Variants in CWF19L2 observed in about 807,000 individuals in gnomAD.
CWF19L2 encodes the protein CWF19-like protein 2.
Under a neutral mutation model 111.7 loss-of-function variants are expected in CWF19L2, and 98 were observed. The ratio of observed to expected loss-of-function variants is 0.88; its 90% CI spans 0.75 to 1.04. CWF19L2 has a LOEUF of 1.04. Among genes scored for constraint, CWF19L2 ranks in the 50% least tolerant of loss-of-function variants. The pLI is 0.00. For missense variants in CWF19L2, 1,101 were observed against 1,051.4 expected, an observed-to-expected ratio of 1.05 and a Z score of -0.65; for synonymous variants, 351 against 342.9, an observed-to-expected ratio of 1.02 and a Z score of -0.26.
intron 16 of CWF19L2, among the ~76,000 whole-genome samples, chr11:107,333,756 A>G (rs1027063285): frequency 1.3e-5 from 2 of 152,252 alleles, no homozygotes; most frequent in African/African-American, 4.8e-5. Flanking sequence ...CTGGAATATA[A>G]TAAGTGTAAT....
At chr11:107,395,122 C>G (rs888475100) in intron 10 of CWF19L2, among the ~76,000 whole-genome samples, 2 of 152,156 alleles carry the variant, frequency 1.3e-5, no homozygotes, top group African/African-American at 2.4e-5. Context: ...GTAGGAGGGA[C>G]CCGGTGGGAG....
chr11:107,416,108 TAAAATAAAATAA>T (rs1329676594), intron 10 of CWF19L2, 89 bp downstream of exon 10: 32 of 287,864 alleles, frequency 1.1e-4, no homozygotes, highest in Admixed American at 4.4e-4. Flanking sequence ...AAAAAATAGA[TAAAATAAAATAA>T]AAAATAAAAT....
At chr11:107,420,330 A>G (rs1163640496) in intron 8 of CWF19L2, among the ~76,000 whole-genome samples, 3 of 152,158 alleles carry the variant, frequency 2.0e-5, no homozygotes, top group African/African-American at 4.8e-5. Context: ...AAAAAGATAT[A>G]CCATGTTAAT....
intron 9 of CWF19L2, among the ~76,000 whole-genome samples, chr11:107,417,745 G>A (rs879437576): frequency 2.9e-5 from 4 of 138,814 alleles, no homozygotes; most frequent in Non-Finnish European, 4.6e-5. Flanking sequence ...ATTCTTCACA[G>A]AAAGGTTCGA....
intron 3 of CWF19L2, among the ~76,000 whole-genome samples, chr11:107,452,306 T>C (rs1470927377): frequency 2.6e-5 from 4 of 152,066 alleles, no homozygotes; most frequent in African/African-American, 9.7e-5. Flanking sequence ...GATCCTAATG[T>C]TTCAAGTCAC....
intron 14 of CWF19L2, among the ~76,000 whole-genome samples, chr11:107,341,476 C>T (rs888175595): frequency 6.6e-6 from 1 of 152,048 alleles, no homozygotes; most frequent in African/African-American, 2.4e-5. Context: ...TATATATTGC[C>T]AAACTCTATT....
At chr11:107,390,811 G>C (rs1749564450) in intron 11 of CWF19L2, among the ~76,000 whole-genome samples, 1 of 152,104 alleles carries the variant, frequency 6.6e-6, no homozygotes, top group Admixed American at 6.6e-5. Context: ...TATTCTTCCT[G>C]GGTGTGTCTG....
chr11:107,433,987 T>C (rs1308135429), intron 6 of CWF19L2, among the ~76,000 whole-genome samples: 1 of 146,122 alleles, frequency 6.8e-6, no homozygotes, highest in Admixed American at 6.9e-5. Flanking sequence ...AATAAAACTA[T>C]AAGAAAATTG....
chr11:107,400,147 C>T (rs547589725), intron 10 of CWF19L2, among the ~76,000 whole-genome samples: 5 of 152,036 alleles, frequency 3.3e-5, no homozygotes, highest in African/African-American at 9.6e-5. Flanking sequence ...TCTAAGGTCA[C>T]ACCTCAAGGA....
chr11:107,380,046 CAAAAAAAAAAAAA>C (rs66699460), intron 12 of CWF19L2, among the ~76,000 whole-genome samples: 1 of 34,488 alleles, frequency 2.9e-5, no homozygotes, highest in African/African-American at 1.1e-4. Context: ...GACACCGTCT[CAAAAAAAAAAAAA>C]AAAAAAAAAA....
At chr11:107,384,831 A>G (rs890133207) in intron 12 of CWF19L2, among the ~76,000 whole-genome samples, 4 of 152,238 alleles carry the variant, frequency 2.6e-5, no homozygotes, top group Admixed American at 6.5e-5. Context: ...CTTTAAACTA[A>G]TAATAAAAAG....
intron 17 of CWF19L2, among the ~76,000 whole-genome samples, chr11:107,329,380 GGCTAC>G (rs1256321250): frequency 6.6e-6 from 1 of 151,980 alleles, no homozygotes; most frequent in Non-Finnish European, 1.5e-5. Flanking sequence ...GTTCTTCTTG[GGCTAC>G]GCCTTGCTTA....
chr11:107,410,236 T>C (rs890693862), intron 10 of CWF19L2, among the ~76,000 whole-genome samples: 3 of 152,018 alleles, frequency 2.0e-5, no homozygotes, highest in Non-Finnish European at 2.9e-5. Context: ...TAGAACGTCA[T>C]CAAATCTCCA....
At position 107,455,746 on chromosome 11, in the gene CWF19L2, G is replaced by A. The variant is rs186020095; in HGVS notation, c.136C>T (p.Arg46Cys). ...AKANFEKEER[R>C]KELKRLRGED... ...CCCCGAAGTCGCTTAAGTTCTTTAC[G>A]CCTTTCTTCTTTTTCAAAATTGGCT... The change falls in exon 2 of 18, where the codon CGT becomes TGT. Residue 46 changes from arginine to cysteine, a missense_variant. Transcript: ENST00000282251. The A allele has an allele frequency of 1.0e-4, 159 of 1,550,182 alleles. No homozygotes were observed. The Middle Eastern group carries it at 1.2e-3, about 11-fold the overall frequency.
intron 12 of CWF19L2, among the ~76,000 whole-genome samples, chr11:107,370,596 T>G (rs561532460): frequency 1.5e-5 from 2 of 134,384 alleles, no homozygotes; most frequent in South Asian, 5.1e-4. Context: ...AAGAAATCAC[T>G]GAGGTCGAGT....
At chr11:107,437,337 A>G (rs1861556358) in intron 6 of CWF19L2, among the ~76,000 whole-genome samples, 1 of 152,200 alleles carries the variant, frequency 6.6e-6, no homozygotes, top group South Asian at 2.1e-4. Flanking sequence ...AAATGCCAAC[A>G]TTCTAATCCC....
chr11:107,419,287 TA>T (rs1158952049), intron 8 of CWF19L2, among the ~76,000 whole-genome samples: 2 of 152,138 alleles, frequency 1.3e-5, no homozygotes, highest in Non-Finnish European at 2.9e-5. Flanking sequence ...TGGGCCCACC[TA>T]AAAAATGTTA....
chr11:107,398,105 T>G (rs899061631), intron 10 of CWF19L2, among the ~76,000 whole-genome samples: 1 of 152,118 alleles, frequency 6.6e-6, no homozygotes, highest in African/African-American at 2.4e-5. Context: ...CCTGGTAATA[T>G]GACAAAACAA....
chr11:107,349,077 T>G, intron 13 of CWF19L2, 24 bp from the exon 14 acceptor site: 1 of 1,227,508 alleles, frequency 8.1e-7, no homozygotes. Flanking sequence ...ATACAAAAGG[T>G]GAAATGTTAT....
Sources: gnomAD v4.1 joint callset for allele counts (sites outside exome capture counted in the v4.1 genomes callset) on GRCh38, gnomAD v4.1.1 for gene constraint, MANE v1.5 for transcripts, NCBI Gene and HGNC (gene_info 2026-07-23, HGNC 2026-07-21) for gene names.